SYNGR4: variants seen among roughly 807,000 people sequenced by gnomAD.
SYNGR4 encodes synaptogyrin 4, also known as synaptogyrin-4.
SYNGR4 carries 15 observed loss-of-function variants against 15.5 expected under a neutral mutation model. That is an observed-to-expected ratio of 0.97 (90% CI 0.65 to 1.49). The LOEUF (loss-of-function observed/expected upper bound fraction) is 1.49. SYNGR4 is among the 40% of genes most tolerant of loss of function. The pLI is 0.00. For synonymous variants in SYNGR4, 121 were observed against 127.4 expected, an observed-to-expected ratio of 0.95 and a Z score of 0.34; for missense variants, 292 against 299.3, an observed-to-expected ratio of 0.98 and a Z score of 0.18.
intron 2 of SYNGR4, among the ~76,000 whole-genome samples, chr19:48,371,208 G>A (rs112318258): frequency 7.3e-4 from 111 of 152,252 alleles, no homozygotes; most frequent in Non-Finnish European, 1.2e-3. Flanking sequence ...CCACCCTGCC[G>A]GGAATGCCCT....
At position 48,375,666 on chromosome 19, in the gene SYNGR4, C is replaced by T. The variant is rs779143670; in HGVS notation, c.385C>T (p.Gln129Ter). 3.1e-6 allele frequency: 5 copies of T among 1,613,922 alleles called. No homozygotes were observed. The highest frequency in any genetic ancestry group is 3.3e-5 in the Admixed American group (2 of 59,994). Residue 129 changes from glutamine to a stop codon, truncating the protein, a stop_gained, in exon 4 of 5, where the codon CAG becomes TAG. Coordinates refer to ENST00000344846, the MANE Select transcript of SYNGR4 (RefSeq NM_012451.4). LOFTEE classifies it high-confidence loss of function. ...MGFCFLANQW[Q>*]HSPPKEFLLG... Reference sequence around the variant, plus strand: ...TTTCTGCTTCCTGGCCAACCAATGGCAGCATTCGCCGCCCAAAGAGTTCCT... The same window carrying T: ...TTTCTGCTTCCTGGCCAACCAATGGTAGCATTCGCCGCCCAAAGAGTTCCT...
chr19:48,369,692 G>A (rs1200997838), intron 2 of SYNGR4, among the ~76,000 whole-genome samples: 6 of 152,192 alleles, frequency 3.9e-5, no homozygotes, highest in Non-Finnish European at 2.9e-5. Flanking sequence ...TATCACCTGT[G>A]AAACAGAAAT....
chr19:48,373,809 C>T, intron 3 of SYNGR4, 55 bp downstream of exon 3: 5 of 1,575,332 alleles, frequency 3.2e-6, no homozygotes, highest in Non-Finnish European at 4.4e-6. Context: ...TCACAGCCCT[C>T]CTGGCTCCCC....
chr19:48,373,854 C>T (rs1056440474), intron 3 of SYNGR4, 100 bp downstream of exon 3: 63 of 1,211,430 alleles, frequency 5.2e-5, no homozygotes, highest in Middle Eastern at 2.7e-4. Context: ...ACCACCTAGC[C>T]GGCCTCCACC....
rs1156880490 is a variant in SYNGR4, at chr19:48,375,345, A to C, written c.332-268A>C. Reference sequence around the variant, plus strand: ...CTAGCCTAAAATCCTGTGTTAATGAATAGAAATTTAAACCGCTGCATGAGG... The same window carrying C: ...CTAGCCTAAAATCCTGTGTTAATGACTAGAAATTTAAACCGCTGCATGAGG... On this transcript the variant is annotated intron_variant, in intron 3 of 4. Transcript: ENST00000344846. 2.0e-5 allele frequency among the ~76,000 whole-genome samples: 3 copies of C among 152,162 alleles called. No homozygotes were observed. The East Asian group carries it at 5.8e-4, about 29-fold the overall frequency.
chr19:48,365,331 C>G (rs927705561), intron 1 of SYNGR4, among the ~76,000 whole-genome samples: 4 of 128,808 alleles, frequency 3.1e-5, no homozygotes, highest in East Asian at 2.4e-4. Flanking sequence ...TAGCAGCCCT[C>G]TCCACACAAC....
At chr19:48,365,127 G>A (rs944026868) in intron 1 of SYNGR4, among the ~76,000 whole-genome samples, 1 of 147,080 alleles carries the variant, frequency 6.8e-6, no homozygotes, top group Non-Finnish European at 1.5e-5. Context: ...GACCCTTAGC[G>A]ACTCTCTCAT....
intron 3 of SYNGR4, 42 bp downstream of exon 3, chr19:48,373,796 C>T (rs753602176): frequency 1.6e-5 from 26 of 1,594,550 alleles, no homozygotes; most frequent in South Asian, 4.4e-5. Context: ...CCCCTCCTCC[C>T]GCTCACAGCC....
intron 2 of SYNGR4, among the ~76,000 whole-genome samples, chr19:48,366,416 G>GAA (rs1463492379): frequency 2.0e-5 from 3 of 149,270 alleles, no homozygotes; most frequent in African/African-American, 7.6e-5. Flanking sequence ...AAAAAGAAAA[G>GAA]AAAGAAACAG....
Position 48,373,706 on chromosome 19 carries a change from G to A in SYNGR4, c.283G>A (p.Gly95Ser), listed in dbSNP as rs201650512. The change falls in exon 3 of 5, where the codon GGC becomes AGC. Residue 95 changes from glycine (G) to serine (S), a missense_variant. Physicochemically the swap from Gly to Ser is moderately conservative, Grantham distance 56. Coordinates refer to ENST00000344846, the MANE Select transcript of SYNGR4 (RefSeq NM_012451.4). Reference protein sequence around the residue: ...VLDTQETRIAGTRFKTAFQLL... With the variant: ...VLDTQETRIASTRFKTAFQLL... Reference sequence around the variant, plus strand: ...GGACACACAGGAGACCCGCATTGCCGGCACCCGCTTCAAGACAGCCTTCCA... The same window carrying A: ...GGACACACAGGAGACCCGCATTGCCAGCACCCGCTTCAAGACAGCCTTCCA... 59 of 1,613,962 alleles carry A rather than the reference G, an allele frequency of 3.7e-5. No individual in the cohort carries two copies. The East Asian group carries it at 8.0e-4, about 22-fold the overall frequency.
chr19:48,366,057 G>A (rs909928977), intron 2 of SYNGR4, 122 bp downstream of exon 2: 52 of 1,014,034 alleles, frequency 5.1e-5, no homozygotes, highest in African/African-American at 9.6e-5. Flanking sequence ...ACAAGACAAC[G>A]GAGCAAATGC....
intron 3 of SYNGR4, 142 bp downstream of exon 3, chr19:48,373,896 C>A: frequency 1.3e-6 from 1 of 779,324 alleles, no homozygotes; most frequent in East Asian, 2.5e-5. Context: ...GGCATCTGAC[C>A]ACAAGTGGCC....
intron 2 of SYNGR4, among the ~76,000 whole-genome samples, chr19:48,370,180 T>C (rs1465575016): frequency 1.3e-5 from 2 of 152,140 alleles, no homozygotes; most frequent in African/African-American, 4.8e-5. Flanking sequence ...AGTCTAGCGC[T>C]GGGTGCTGGG....
At chr19:48,375,541 C>A in intron 3 of SYNGR4, 72 bp from the exon 4 acceptor site, 1 of 1,552,320 alleles carries the variant, frequency 6.4e-7, no homozygotes, top group South Asian at 1.2e-5. Context: ...CAGCCCCATC[C>A]TTCCCATGCC....
At chr19:48,373,839 C>T (rs1970354542) in intron 3 of SYNGR4, 85 bp downstream of exon 3, 1 of 1,359,336 alleles carries the variant, frequency 7.4e-7, no homozygotes, top group East Asian at 2.3e-5. Context: ...CGGGCACAAC[C>T]CTTCACCACC....
At chr19:48,375,582 C>T (rs749520254) in intron 3 of SYNGR4, 31 bp from the exon 4 acceptor site, 2 of 1,595,326 alleles carry the variant, frequency 1.3e-6, no homozygotes, top group African/African-American at 1.3e-5. Flanking sequence ...AGCTTTCCCC[C>T]TGCCCCTTTT....
intron 2 of SYNGR4, among the ~76,000 whole-genome samples, chr19:48,368,446 T>C (rs1417662414): frequency 6.6e-6 from 1 of 152,064 alleles, no homozygotes; most frequent in Non-Finnish European, 1.5e-5. Flanking sequence ...GTACAGTTGG[T>C]GCAGTCTCAG....
intron 1 of SYNGR4, among the ~76,000 whole-genome samples, chr19:48,365,093 C>G (rs569735839): frequency 6.6e-6 from 1 of 151,314 alleles, no homozygotes; most frequent in Non-Finnish European, 1.5e-5. Flanking sequence ...CATAGACCCC[C>G]TTAACCCACA....
At chr19:48,371,613 T>C (rs931585873) in intron 2 of SYNGR4, among the ~76,000 whole-genome samples, 2 of 150,804 alleles carry the variant, frequency 1.3e-5, no homozygotes, top group Non-Finnish European at 2.9e-5. Context: ...GGCCTCACTG[T>C]GTCACCCAGC....
Sources: allele counts gnomAD v4.1 joint callset (sites outside exome capture counted in the v4.1 genomes callset), GRCh38; gene constraint gnomAD v4.1.1; transcripts MANE v1.5; gene names NCBI Gene and HGNC (gene_info 2026-07-23, HGNC 2026-07-21).